The following GPR75 variants were observed in gnomAD, a reference collection of about 807,000 sequenced individuals.
GPR75 encodes the protein probable G protein-coupled receptor 75.
A neutral mutation model predicts 26.0 loss-of-function variants in GPR75; 27 were observed. The observed-to-expected ratio is 1.04, with a 90% CI of 0.77 to 1.43. The LOEUF (loss-of-function observed/expected upper bound fraction) is 1.43. Among genes scored for constraint, GPR75 ranks in the 40% most tolerant of loss-of-function variants. GPR75 has a pLI of 0.00. For missense variants in GPR75, 699 were observed against 662.3 expected, an observed-to-expected ratio of 1.06 and a Z score of -0.61; for synonymous variants, 285 against 256.3, an observed-to-expected ratio of 1.11 and a Z score of -1.07.
In GPR75 at chr2:53,854,702, G is replaced by A. The variant is rs1331122749; in HGVS notation, c.55C>T (p.Pro19Ser). 4.3e-6 allele frequency: 7 copies of A among 1,613,916 alleles called. No individual in the cohort carries two copies. The highest frequency in any genetic ancestry group is 4.5e-5 in the East Asian group (2 of 44,868). ...DAPNATSLHV[P>S]HSQEGNSTSL... Reference sequence around the variant, plus strand: ...GTGCTGTTTCCTTCCTGTGAGTGAGGCACATGGAGCGAGGTGGCATTGGGG... The same window carrying A: ...GTGCTGTTTCCTTCCTGTGAGTGAGACACATGGAGCGAGGTGGCATTGGGG... Residue 19 changes from proline to serine, a missense_variant, in exon 2 of 2, where the codon CCT becomes TCT. Coordinates refer to ENST00000394705, the MANE Select transcript of GPR75 (RefSeq NM_006794.4).
Position 53,859,917 on chromosome 2 carries a change from C to A in GPR75, c.-199G>T, listed in dbSNP as rs781014651. ...GCTCTGGATGATGCAGGACTAGAGGCATCATCGCCATCGCCACCGCCTCCG... is the reference window on the plus strand; with the variant it reads ...GCTCTGGATGATGCAGGACTAGAGGAATCATCGCCATCGCCACCGCCTCCG... On this transcript the variant is annotated 5_prime_UTR_variant, in exon 1 of 2. An upstream start codon of the reference 5' UTR is lost. Transcript: ENST00000394705. The A allele has an allele frequency of 5.3e-6, 8 of 1,508,438 alleles. No individual in the cohort carries two copies. Among genetic ancestry groups the A allele is most frequent in the African/African-American group, 1.4e-5 (1 of 69,494 alleles). 93.4% of individuals were successfully genotyped at this position (1,508,438 alleles called of 1,614,324 possible).
Position 53,854,081 on chromosome 2 carries a change from C to A in GPR75, c.676G>T (p.Ala226Ser), listed in dbSNP as rs770059612. ...TGAGCGTTCTTCCGCAGGGTCTGAG[C>A]AATCATGATGTAAGAGACAGAGACC... ...AVVSVSYIMI[A>S]QTLRKNAQVR... The change falls in exon 2 of 2, where the codon GCT (alanine) becomes TCT (serine). Residue 226 changes from alanine (A) to serine (S), a missense_variant. Coordinates refer to ENST00000394705, the MANE Select transcript of GPR75 (RefSeq NM_006794.4). 2.0e-5 allele frequency: 32 copies of A among 1,614,148 alleles called. No homozygotes were observed. Among genetic ancestry groups the A allele is most frequent in the Non-Finnish European group, 2.7e-5 (32 of 1,180,022 alleles).
At chr2:53,855,131 C>CTT (rs1203713920) in intron 1 of GPR75, among the ~76,000 whole-genome samples, 1 of 145,458 alleles carries the variant, frequency 6.9e-6, no homozygotes. Flanking sequence ...CTCTCTCTCT[C>CTT]TTTTTTTTTT....
chr2:53,854,060 C>G lies in GPR75; in HGVS notation c.697G>C (p.Ala233Pro), dbSNP rs573386983. 3.1e-6 allele frequency: 5 copies of G among 1,614,156 alleles called. No individual in the cohort carries two copies. The African/African-American group carries it at 6.7e-5, about 22-fold the overall frequency. Reference sequence around the variant, plus strand: ...ACAGGGGGGCACTTTCTGACTTGAGCGTTCTTCCGCAGGGTCTGAGCAATC... The same window carrying G: ...ACAGGGGGGCACTTTCTGACTTGAGGGTTCTTCCGCAGGGTCTGAGCAATC... Reference protein sequence around the residue: ...IMIAQTLRKNAQVRKCPPVIT... With the variant: ...IMIAQTLRKNPQVRKCPPVIT... The change falls in exon 2 of 2, where the codon GCT (alanine) becomes CCT (proline). Residue 233 changes from alanine to proline, a missense_variant. Coordinates refer to ENST00000394705, the MANE Select transcript of GPR75 (RefSeq NM_006794.4).
At position 53,859,858 on chromosome 2, in the gene GPR75, C is replaced by T; in HGVS notation, c.-140G>A. 2.0e-6 allele frequency: 3 copies of T among 1,533,510 alleles called. No homozygotes were observed. Among genetic ancestry groups the T allele is most frequent in the Non-Finnish European group, 2.6e-6 (3 of 1,144,442 alleles). The allele number at this position is 1,533,510 out of a possible 1,614,324, so 95.0% of individuals were successfully genotyped here. A position where few individuals can be genotyped will look rare whatever the true frequency, so the allele number is the denominator to read the frequency against. ...GGGTGGCCGCAGCGCCGCCCCTCCT[C>T]CATCTCGCAGTCCGGACCCCAGCTC... On this transcript the variant is annotated 5_prime_UTR_variant, in exon 1 of 2. An upstream open reading frame in the 5' UTR gains an earlier in-frame stop. Coordinates refer to ENST00000394705, the MANE Select transcript of GPR75 (RefSeq NM_006794.4).
rs1323697852 is a variant in GPR75, at chr2:53,853,550, G to C, written c.1207C>G (p.Gln403Glu). The change falls in exon 2 of 2, where the codon CAA (glutamine) becomes GAA (glutamate). Residue 403 changes from glutamine (Q) to glutamate (E), a missense_variant. Physicochemically the swap from Gln to Glu is conservative, Grantham distance 29. Coordinates refer to ENST00000394705, the MANE Select transcript of GPR75 (RefSeq NM_006794.4). ...CCCATGGCTCGAAGTCGAGTCTTTT[G>C]TTTGCAGCAGAAAAAACCCAGGCCT... is the stretch of plus-strand genomic sequence containing the variant. ...YIGLGFFCCKQKTRLRAMGKG... is the reference protein window; with the variant it reads ...YIGLGFFCCKEKTRLRAMGKG... 2 of 1,613,992 alleles carry C rather than the reference G, an allele frequency of 1.2e-6. No individual in the cohort carries two copies. Among genetic ancestry groups the C allele is most frequent in the African/African-American group, 2.7e-5 (2 of 74,894 alleles).
rs373211466 is a variant in GPR75 at position 53,854,449 on chromosome 2, A to G, written c.308T>C (p.Phe103Ser). Residue 103 changes from phenylalanine to serine, a missense_variant, in exon 2 of 2, where the codon TTT becomes TCT. Transcript: ENST00000394705. ...ACTGGCTGAGCTGAAGAATAACACAAAGGTGAACATGGGGGCTGTCACTCC... is the reference window on the plus strand; with the variant it reads ...ACTGGCTGAGCTGAAGAATAACACAGAGGTGAACATGGGGGCTGTCACTCC... The part of the protein sequence containing the change: ...ICGVTAPMFT[F>S]VLFFSSASSI... The G allele has an allele frequency of 1.2e-6, 2 of 1,614,166 alleles. No homozygotes were observed. Among genetic ancestry groups the G allele is most frequent in the East Asian group, 4.5e-5 (2 of 44,886 alleles).
intron 1 of GPR75, among the ~76,000 whole-genome samples, chr2:53,859,491 G>A (rs948714560): frequency 6.6e-6 from 1 of 152,138 alleles, no homozygotes; most frequent in Admixed American, 6.5e-5. Flanking sequence ...CTGGCGGTGG[G>A]TAGGGGCTTC....
At position 53,853,321 on chromosome 2, in the gene GPR75, A is replaced by G. The variant is rs770605073; in HGVS notation, c.1436T>C (p.Ile479Thr). ...GTTATAGATGCTGTAGTAAGGTTCA[A>G]TCCGAGTGTTGATGGGGGTCGAGCT... ...QSSSTPINTR[I>T]EPYYSIYNSS... The change falls in exon 2 of 2, where the codon ATT becomes ACT. Residue 479 changes from isoleucine to threonine, a missense_variant. Ile to Thr is a moderately conservative substitution (Grantham distance 89). Coordinates refer to ENST00000394705, the MANE Select transcript of GPR75 (RefSeq NM_006794.4). 2.5e-6 allele frequency: 4 copies of G among 1,614,166 alleles called. No homozygotes were observed. Among genetic ancestry groups the G allele is most frequent in the Admixed American group, 3.3e-5 (2 of 60,020 alleles).
At chr2:53,856,355 C>T (rs1678226034) in intron 1 of GPR75, among the ~76,000 whole-genome samples, 1 of 152,190 alleles carries the variant, frequency 6.6e-6, no homozygotes, top group Admixed American at 6.5e-5. Context: ...GCACTATGTT[C>T]TTGACAACCA....
In GPR75 at chr2:53,858,402, GACACACACACAC is replaced by G. The variant is rs61090357; in HGVS notation, c.-110+1414_-110+1425del. On this transcript the variant is annotated intron_variant, in intron 1 of 1. Coordinates refer to ENST00000394705, the MANE Select transcript of GPR75 (RefSeq NM_006794.4). ...ATCTACATCTATGTAGATACAGATA[GACACACACACAC>G]ACACACACACACACACACACACACA... Among the ~76,000 whole-genome samples, 357 of 145,132 alleles carry G rather than the reference GACACACACACAC, an allele frequency of 2.5e-3. 1 individual carries two copies. The highest frequency in any genetic ancestry group is 3.8e-3 in the Non-Finnish European group (254 of 66,228).
At chr2:53,857,898 A>T (rs1335845180) in intron 1 of GPR75, among the ~76,000 whole-genome samples, 1 of 152,132 alleles carries the variant, frequency 6.6e-6, no homozygotes, top group Admixed American at 6.5e-5. Context: ...TAAAAAAAAT[A>T]AGAATTCCAG....
At position 53,854,218 on chromosome 2, in the gene GPR75, G is replaced by C; in HGVS notation, c.539C>G (p.Thr180Ser). 1 of 1,614,124 alleles carries C rather than the reference G, an allele frequency of 6.2e-7. No individual in the cohort carries two copies. The change falls in exon 2 of 2, where the codon ACC becomes AGC. Residue 180 changes from threonine to serine, a missense_variant. Coordinates refer to ENST00000394705, the MANE Select transcript of GPR75 (RefSeq NM_006794.4). Reference protein sequence around the residue: ...ATSFTLATLATLKTSKSHLCL... With the variant: ...ATSFTLATLASLKTSKSHLCL... Reference sequence around the variant, plus strand: ...GAGGTGGGACTTGCTGGTTTTCAAGGTAGCCAAGGTGGCAAGGGTGAAACT... The same window carrying C: ...GAGGTGGGACTTGCTGGTTTTCAAGCTAGCCAAGGTGGCAAGGGTGAAACT...
At position 53,853,419 on chromosome 2, in the gene GPR75, A is replaced by C; in HGVS notation, c.1338T>G (p.Cys446Trp). Residue 446 changes from cysteine to tryptophan, a missense_variant, in exon 2 of 2, where the codon TGT (cysteine) becomes TGG (tryptophan). Coordinates refer to ENST00000394705, the MANE Select transcript of GPR75 (RefSeq NM_006794.4). ...KPQKKFVDQA[C>W]GPSHSKESMV... ...TACTTTCTTTTGAATGACTTGGGCCACAAGCCTGGTCCACAAATTTCTTCT... is the reference window on the plus strand; with the variant it reads ...TACTTTCTTTTGAATGACTTGGGCCCCAAGCCTGGTCCACAAATTTCTTCT... 1 of 1,614,212 alleles carries C rather than the reference A, an allele frequency of 6.2e-7. No homozygotes were observed. Among genetic ancestry groups the C allele is most frequent in the South Asian group, 1.1e-5 (1 of 91,080 alleles).
intron 1 of GPR75, among the ~76,000 whole-genome samples, chr2:53,855,093 C>A (rs1160978773): frequency 6.6e-6 from 1 of 151,806 alleles, no homozygotes; most frequent in Non-Finnish European, 1.5e-5. Context: ...GTAGCTGGGA[C>A]TACAGGCATG....
chr2:53,856,251 T>C (rs1046368685), intron 1 of GPR75, among the ~76,000 whole-genome samples: 1 of 152,212 alleles, frequency 6.6e-6, no homozygotes, highest in Non-Finnish European at 1.5e-5. Flanking sequence ...CAAATCTACA[T>C]TGTCCCAAAT....
In GPR75 at chr2:53,853,955, T is replaced by A. The variant is rs1473881453; in HGVS notation, c.802A>T (p.Met268Leu). The change falls in exon 2 of 2, where the codon ATG (methionine) becomes TTG (leucine). Residue 268 changes from methionine to leucine, a missense_variant. Physicochemically the swap from Met to Leu is conservative, Grantham distance 15. Transcript: ENST00000394705. ...TTCTGGTTCCTATACAGAGCCGGCA[T>A]GGCACACTGGATGGGATCTCCACCT... is the stretch of plus-strand genomic sequence containing the variant. ...QGGGDPIQCA[M>L]PALYRNQNYN... 6.2e-7 allele frequency: 1 copy of A among 1,614,100 alleles called. No homozygotes were observed. The highest frequency in any genetic ancestry group is 8.5e-7 in the Non-Finnish European group (1 of 1,179,984).
At position 53,853,274 on chromosome 2, in the gene GPR75, T is replaced by A. The variant is rs1179582190; in HGVS notation, c.1483A>T (p.Ser495Cys). The A allele has an allele frequency of 6.2e-7, 1 of 1,614,130 alleles. No homozygotes were observed. ...ACTGGCTGTAAGTTACATGGGCTGC[T>A]CTCCTCCTGGGAAGGGCTGCTGTTA... is the stretch of plus-strand genomic sequence containing the variant. ...IYNSSPSQEE[S>C]SPCNLQPVNS... is the part of the protein sequence containing the mutation. Residue 495 changes from serine to cysteine, a missense_variant, in exon 2 of 2, where the codon AGC (serine) becomes TGC (cysteine). Coordinates refer to ENST00000394705, the MANE Select transcript of GPR75 (RefSeq NM_006794.4).
At chr2:53,857,189 G>C (rs929722117) in intron 1 of GPR75, among the ~76,000 whole-genome samples, 2 of 150,510 alleles carry the variant, frequency 1.3e-5, no homozygotes, top group Admixed American at 6.6e-5. Flanking sequence ...GGATGGTCTC[G>C]ATCTCCTGAC....
Sources: gnomAD v4.1 joint callset for allele counts (sites outside exome capture counted in the v4.1 genomes callset) on GRCh38, gnomAD v4.1.1 for gene constraint, MANE v1.5 for transcripts, NCBI Gene and HGNC (gene_info 2026-07-23, HGNC 2026-07-21) for gene names.